Variants in CAAP1 observed in about 807,000 individuals in gnomAD.
The protein encoded by CAAP1 is caspase activity and apoptosis inhibitor 1.
A neutral mutation model predicts 34.0 loss-of-function variants in CAAP1; 20 were observed. That is an observed-to-expected ratio of 0.59 (90% CI 0.41 to 0.86). The LOEUF is 0.86. Ranked by LOEUF, CAAP1 falls within the 40% of genes least tolerant of loss-of-function variation. The pLI, the probability that CAAP1 is intolerant of heterozygous loss-of-function variation, is 0.00. For missense variants in CAAP1, 538 were observed against 450.5 expected (o/e 1.19, Z -1.76); for synonymous variants, 213 against 166.7 (o/e 1.28, Z -2.14).
In CAAP1 at chr9:26,886,010, T is replaced by C. The variant is rs1222641582; in HGVS notation, c.589+94A>G. 7 of 530,424 alleles carry C rather than the reference T, an allele frequency of 1.3e-5. No homozygotes were observed. The African/African-American group carries it at 1.4e-4, about 10-fold the overall frequency. The allele number at this position is 530,424 out of a possible 1,614,324, so 32.9% of individuals were successfully genotyped here. On this transcript the variant is annotated intron_variant, in intron 3 of 5. Transcript: ENST00000333916. ...TTCAACAACAACCCAATAATGAAAT[T>C]AAATATCCAAGTAGGAGAAAGAATA...
At chr9:26,845,836 T>A (rs1204942496) in intron 5 of CAAP1, among the ~76,000 whole-genome samples, 1 of 152,222 alleles carries the variant, frequency 6.6e-6, no homozygotes, top group Non-Finnish European at 1.5e-5. Flanking sequence ...CCCTGAATTT[T>A]ATTTCTTCTT....
At chr9:26,856,125 A>G (rs1000487761) in intron 5 of CAAP1, among the ~76,000 whole-genome samples, 2 of 132,656 alleles carry the variant, frequency 1.5e-5, no homozygotes, top group African/African-American at 6.1e-5. Context: ...AATTTTTTTT[A>G]AAAGGGGGGG....
intron 4 of CAAP1, among the ~76,000 whole-genome samples, chr9:26,865,516 CTA>C (rs202043496): frequency 0.023 from 3,344 of 146,892 alleles, 124 homozygotes; most frequent in African/African-American, 0.079. Context: ...AAGAGAGAAA[CTA>C]TGTCTCAAAA....
At chr9:26,876,971 T>A (rs1256971981) in intron 4 of CAAP1, among the ~76,000 whole-genome samples, 2 of 151,982 alleles carry the variant, frequency 1.3e-5, no homozygotes. Context: ...CTGGACAACA[T>A]AGTGAGACCC....
At position 26,892,119 on chromosome 9, in the gene CAAP1, A is replaced by C. The variant is rs1823917084; in HGVS notation, c.303+294T>G. On this transcript the variant is annotated intron_variant, in intron 1 of 5. Coordinates refer to ENST00000333916, the MANE Select transcript of CAAP1 (RefSeq NM_024828.4). ...CAAGGGAAATGAAGGCTAGCTTCCA[A>C]CTCGTATTCTTCCGGCAGAGTGAAA... 3 of 635,352 alleles carry C rather than the reference A, an allele frequency of 4.7e-6. No homozygotes were observed. The South Asian group carries it at 6.3e-5, about 13-fold the overall frequency. 39.4% of individuals were successfully genotyped at this position (635,352 alleles called of 1,614,324 possible). A position where few individuals can be genotyped will look rare whatever the true frequency, so the allele number is the denominator to read the frequency against.
At chr9:26,867,133 C>T (rs1823159245) in intron 4 of CAAP1, among the ~76,000 whole-genome samples, 1 of 152,190 alleles carries the variant, frequency 6.6e-6, no homozygotes, top group African/African-American at 2.4e-5. Flanking sequence ...GGAACAGTTT[C>T]AGCCTGGTAT....
At chr9:26,883,772 C>A (rs893848143) in intron 4 of CAAP1, among the ~76,000 whole-genome samples, 5 of 152,054 alleles carry the variant, frequency 3.3e-5, no homozygotes, top group African/African-American at 9.7e-5. Flanking sequence ...ATTTAAGAAA[C>A]TTTAAAATAT....
In CAAP1 at chr9:26,842,517, C is replaced by A; in HGVS notation, c.870G>T (p.Gln290His). ...CAATGTCTTTCTCCAGGTCATCTAT[C>A]TGACCAGCTTCACTTTGGACTGTAT... ...PENTVQSEAG[Q>H]IDDLEKDIEK... The change falls in exon 6 of 6, where the codon CAG becomes CAT. Residue 290 changes from glutamine (Q) to histidine (H), a missense_variant. By Grantham distance (24) the Gln-to-His change is conservative. Coordinates refer to ENST00000333916, the MANE Select transcript of CAAP1 (RefSeq NM_024828.4). The A allele has an allele frequency of 6.2e-7, 1 of 1,614,186 alleles. No individual in the cohort carries two copies.
chr9:26,885,173 T>C (rs1216870258), intron 3 of CAAP1, among the ~76,000 whole-genome samples: 1 of 150,302 alleles, frequency 6.7e-6, no homozygotes, highest in Non-Finnish European at 1.5e-5. Flanking sequence ...ACCTCCCGGG[T>C]TCTAGCAATT....
chr9:26,855,373 G>A (rs1257152581), intron 5 of CAAP1, among the ~76,000 whole-genome samples: 2 of 152,088 alleles, frequency 1.3e-5, no homozygotes, highest in African/African-American at 4.8e-5. Flanking sequence ...GACTTTTAAG[G>A]CAGTGAAAAT....
chr9:26,885,476 T>G (rs1823716687), intron 3 of CAAP1, among the ~76,000 whole-genome samples: 1 of 152,186 alleles, frequency 6.6e-6, no homozygotes, highest in African/African-American at 2.4e-5. Flanking sequence ...TTTCCAGAGT[T>G]ACAAAATGCC....
At chr9:26,875,293 G>C (rs1823400251) in intron 4 of CAAP1, among the ~76,000 whole-genome samples, 1 of 152,156 alleles carries the variant, frequency 6.6e-6, no homozygotes, top group East Asian at 1.9e-4. Context: ...GGCTAAGGTG[G>C]GAGAATTGCT....
chr9:26,888,217 CCTT>C (rs886509485), intron 1 of CAAP1, among the ~76,000 whole-genome samples: 1 of 152,162 alleles, frequency 6.6e-6, no homozygotes, highest in Non-Finnish European at 1.5e-5. Context: ...ACGTACTCAT[CCTT>C]CTTGTTTAAA....
intron 5 of CAAP1, among the ~76,000 whole-genome samples, chr9:26,852,872 G>C (rs1822785076): frequency 6.6e-6 from 1 of 152,140 alleles, no homozygotes; most frequent in Non-Finnish European, 1.5e-5. Flanking sequence ...ATGATGCATG[G>C]AAGACCCATA....
At chr9:26,849,896 T>A (rs1822704515) in intron 5 of CAAP1, among the ~76,000 whole-genome samples, 1 of 151,880 alleles carries the variant, frequency 6.6e-6, no homozygotes, top group Non-Finnish European at 1.5e-5. Context: ...TGGAGTGCAG[T>A]GGCATGATCT....
In CAAP1 at chr9:26,860,887, T is replaced by C. The variant is rs560188889; in HGVS notation, c.739+179A>G. ...GGCTTCTGTAACTAACTAAACATCA[T>C]AAAATATAATCATTTCAGTAGCTAA... On this transcript the variant is annotated intron_variant, in intron 5 of 5. Transcript: ENST00000333916. Among the ~76,000 whole-genome samples, 6 of 152,308 alleles carry C rather than the reference T, an allele frequency of 3.9e-5. No individual in the cohort carries two copies. In the East Asian group the frequency reaches 1.2e-3, roughly 29 times the overall value.
chr9:26,886,223 TG>T, intron 2 of CAAP1, 35 bp from the exon 3 acceptor site: 1 of 1,101,888 alleles, frequency 9.1e-7, no homozygotes, highest in East Asian at 2.8e-5. Context: ...AATGCATTTA[TG>T]TAACACAGCC....
intron 4 of CAAP1, among the ~76,000 whole-genome samples, chr9:26,867,156 A>G (rs1823159738): frequency 6.6e-6 from 1 of 152,092 alleles, no homozygotes; most frequent in Non-Finnish European, 1.5e-5. Flanking sequence ...TCCTCCCCAC[A>G]TATTCCCTGA....
intron 1 of CAAP1, 124 bp downstream of exon 1, chr9:26,892,289 G>A (rs774938530): frequency 2.1e-4 from 323 of 1,535,508 alleles, no homozygotes; most frequent in Admixed American, 3.1e-4. Flanking sequence ...GAACCTCAAG[G>A]ACGGACGACC....
Sources: allele counts gnomAD v4.1 joint callset (sites outside exome capture counted in the v4.1 genomes callset), GRCh38; gene constraint gnomAD v4.1.1; transcripts MANE v1.5; gene names NCBI Gene and HGNC (gene_info 2026-07-23, HGNC 2026-07-21).